The following MROH1 variants were observed in gnomAD, a reference collection of about 807,000 sequenced individuals.
MROH1 encodes the protein maestro heat-like repeat-containing protein family member 1.
MROH1 carries 117 observed loss-of-function variants against 116.5 expected under a neutral mutation model. The observed-to-expected ratio is 1.00, with a 90% CI of 0.86 to 1.17. The LOEUF is 1.17. Among genes scored for constraint, MROH1 ranks in the 50% most tolerant of loss-of-function variants. MROH1 has a pLI of 0.00. For missense variants in MROH1, 1,873 were observed against 1,338.5 expected, an observed-to-expected ratio of 1.40 and a Z score of -6.23; for synonymous variants, 921 against 583.9, an observed-to-expected ratio of 1.58 and a Z score of -8.32.
At chr8:144,236,194 G>A (rs1440406098) in intron 14 of MROH1, among the ~76,000 whole-genome samples, 4 of 152,298 alleles carry the variant, frequency 2.6e-5, no homozygotes, top group African/African-American at 7.2e-5. Context: ...CTCAGGTATG[G>A]TGGTGTTTTC....
intron 7 of MROH1, among the ~76,000 whole-genome samples, chr8:144,187,976 A>G (rs1364106309): frequency 6.6e-6 from 1 of 152,058 alleles, no homozygotes; most frequent in Non-Finnish European, 1.5e-5. Context: ...TTGTCAGCCC[A>G]TTGTGAGGAG....
chr8:144,161,507 G>A (rs1819521782), intron 2 of MROH1, among the ~76,000 whole-genome samples: 2 of 152,164 alleles, frequency 1.3e-5, no homozygotes, highest in Non-Finnish European at 2.9e-5. Flanking sequence ...TGGGCCCTAG[G>A]ACTGGGTCCT....
At chr8:144,242,558 G>A in intron 23 of MROH1, 43 bp downstream of exon 23, 1 of 780,442 alleles carries the variant, frequency 1.3e-6, no homozygotes, top group Non-Finnish European at 2.4e-6. Flanking sequence ...AGCTGGGGCT[G>A]CCGGGGAGTC....
chr8:144,233,769 T>C (rs73370497), intron 14 of MROH1, among the ~76,000 whole-genome samples: 9,185 of 152,268 alleles, frequency 0.06, 954 homozygotes, highest in African/African-American at 0.21. Context: ...GCTGCCACCT[T>C]CTGGCTCCTG....
intron 3 of MROH1, among the ~76,000 whole-genome samples, chr8:144,165,678 G>T (rs1820634600): frequency 6.6e-6 from 1 of 151,194 alleles, no homozygotes; most frequent in African/African-American, 2.4e-5. Context: ...GTCCTCAAGG[G>T]ATCCTCCCAC....
chr8:144,198,191 C>T (rs549899250), intron 10 of MROH1, among the ~76,000 whole-genome samples: 9 of 152,298 alleles, frequency 5.9e-5, no homozygotes, highest in African/African-American at 2.2e-4. Context: ...CCCTGTGGGC[C>T]TGGGGCCTTT....
At chr8:144,187,453 AC>A (rs2131513991) in intron 7 of MROH1, among the ~76,000 whole-genome samples, 1 of 152,324 alleles carries the variant, frequency 6.6e-6, no homozygotes, top group African/African-American at 2.4e-5. Flanking sequence ...ACCCACACAG[AC>A]AAAGAATGGA....
chr8:144,246,588 T>C (rs1380012299), intron 29 of MROH1, among the ~76,000 whole-genome samples: 2 of 152,196 alleles, frequency 1.3e-5, no homozygotes, highest in Non-Finnish European at 2.9e-5. Flanking sequence ...CTGGTCACCC[T>C]GCAGTCTTTC....
intron 14 of MROH1, among the ~76,000 whole-genome samples, chr8:144,233,702 C>T (rs934146219): frequency 3.5e-4 from 54 of 152,292 alleles, no homozygotes; most frequent in African/African-American, 1.2e-3. Flanking sequence ...CTCAATATTC[C>T]CTGTGTGGAG....
chr8:144,180,220 G>C lies in MROH1; in HGVS notation c.343G>C (p.Val115Leu), dbSNP rs755196480. 4.3e-6 allele frequency: 7 copies of C among 1,613,754 alleles called. No homozygotes were observed. The highest frequency in any genetic ancestry group is 5.1e-6 in the Non-Finnish European group (6 of 1,179,860). Residue 115 changes from valine to leucine, a missense_variant, in exon 6 of 44, where the codon GTG becomes CTG. Physicochemically the swap from Val to Leu is conservative, Grantham distance 32. Coordinates refer to ENST00000326134, the MANE Select transcript of MROH1 (RefSeq NM_032450.3). This position sits in a 1 kb window ranked among gnomAD's most constrained non-coding sequence, Gnocchi z 7.4. ...DWQQAASGVL[V>L]AVGRQFISKV... ...GCAGCAGGCGGCGAGTGGCGTCCTG[G>C]TGGCCGTGGGAAGACAGTTCATCAG... is the stretch of plus-strand genomic sequence containing the variant.
chr8:144,222,808 G>A lies in MROH1; in HGVS notation c.1216-300G>A, dbSNP rs556918430. ...CACAGGTATGTGGGTACAGGCCCAG[G>A]CCCAGGTATGTGGGTACAGGCCCAG... On this transcript the variant is annotated intron_variant, in intron 13 of 43. Transcript: ENST00000326134. 2.0e-5 allele frequency among the ~76,000 whole-genome samples: 3 copies of A among 151,934 alleles called. No individual in the cohort carries two copies. The East Asian group carries it at 5.8e-4, about 29-fold the overall frequency.
intron 2 of MROH1, among the ~76,000 whole-genome samples, chr8:144,162,848 G>A (rs1819897994): frequency 6.6e-6 from 1 of 150,726 alleles, no homozygotes; most frequent in Non-Finnish European, 1.5e-5. Context: ...TCAGCTCCCT[G>A]AGTAGCTAGG....
chr8:144,234,244 C>T (rs1055719785), intron 14 of MROH1, among the ~76,000 whole-genome samples: 3 of 151,976 alleles, frequency 2.0e-5, no homozygotes, highest in Non-Finnish European at 4.4e-5. Flanking sequence ...CTCCTGACCT[C>T]GTGATCCGCC....
chr8:144,177,139 C>T (rs889837956), intron 4 of MROH1, among the ~76,000 whole-genome samples: 2 of 152,250 alleles, frequency 1.3e-5, no homozygotes, highest in African/African-American at 4.8e-5. Flanking sequence ...ATCACTCCCA[C>T]TCGTGGGCCT....
chr8:144,201,855 A>G (rs1328364334), intron 12 of MROH1, among the ~76,000 whole-genome samples: 1 of 151,986 alleles, frequency 6.6e-6, no homozygotes, highest in Non-Finnish European at 1.5e-5. Flanking sequence ...TCTACTAAAA[A>G]TATATATTAA....
At position 144,256,590 on chromosome 8, in the gene MROH1, T is replaced by C. The variant is rs1843854849; in HGVS notation, c.3791+885T>C. ...ATGGGATGGGGCAGCCACCAGCCCC[T>C]GGGCCTGGCCTGCTGCGAATCAGTG... is the stretch of plus-strand genomic sequence containing the variant. On this transcript the variant is annotated intron_variant, in intron 35 of 43. Transcript: ENST00000326134. Among the ~76,000 whole-genome samples the C allele has an allele frequency of 2.0e-5, 3 of 152,230 alleles. No homozygotes were observed. In the South Asian group the frequency reaches 6.2e-4, roughly 32 times the overall value.
chr8:144,175,483 T>G, intron 4 of MROH1: 9 of 985,294 alleles, frequency 9.1e-6, no homozygotes, highest in Non-Finnish European at 1.1e-5. Flanking sequence ...AATTCTTTCC[T>G]CCCCAGTTCC....
Position 144,258,897 on chromosome 8 carries a change from G to A in MROH1, c.3912G>A (p.Gly1304=). 1.3e-6 allele frequency: 1 copy of A among 758,254 alleles called. No individual in the cohort carries two copies. Among genetic ancestry groups the A allele is most frequent in the South Asian group, 1.4e-5 (1 of 71,296 alleles). The allele number at this position is 758,254 out of a possible 1,614,324, so 47.0% of individuals were successfully genotyped here. ...LLRTSAGHEE[G]ATRLARAMAE... ...GGACCTCGGCGGGGCATGAGGAGGG[G>A]GCCACCAGGTTGGCCAGGTGAGCGG... The change falls in exon 36 of 44, where the codon GGG becomes GGA. Residue 1304 remains glycine (G), a synonymous_variant. Transcript: ENST00000326134.
In MROH1 at chr8:144,240,593, C is replaced by G. The variant is rs1840808107; in HGVS notation, c.1851C>G (p.Ile617Met). The change falls in exon 20 of 44, where the codon ATC (isoleucine) becomes ATG (methionine). Residue 617 changes from isoleucine to methionine, a missense_variant. Ile to Met is a conservative substitution (Grantham distance 10, BLOSUM62 1). Transcript: ENST00000326134. ...AGTTCCTGCGAGACACCCTGGCCAT[C>G]ATTTCTGACAACGCGTGGATCTGCC... is the stretch of plus-strand genomic sequence containing the variant. ...LLMFLRDTLA[I>M]ISDNAWICQL... is the part of the protein sequence containing the mutation. 4.2e-6 allele frequency: 3 copies of G among 717,344 alleles called. No homozygotes were observed. Among genetic ancestry groups the G allele is most frequent in the Non-Finnish European group, 7.8e-6 (3 of 384,938 alleles). The allele number at this position is 717,344 out of a possible 1,614,324, so 44.4% of individuals were successfully genotyped here.
Sources: allele counts gnomAD v4.1 joint callset (sites outside exome capture counted in the v4.1 genomes callset), GRCh38; gene constraint gnomAD v4.1.1; non-coding constraint Gnocchi (gnomAD v3.1); transcripts MANE v1.5; gene names NCBI Gene and HGNC (gene_info 2026-07-23, HGNC 2026-07-21).